PTPRT: variants seen among roughly 807,000 people sequenced by gnomAD.
The protein encoded by PTPRT is protein tyrosine phosphatase receptor type T.
Under a neutral mutation model 176.8 loss-of-function variants are expected in PTPRT, and 56 were observed. The observed-to-expected ratio is 0.32, with a 90% CI of 0.26 to 0.40. The LOEUF is 0.40. Ranked by LOEUF, PTPRT falls within the 10% of genes least tolerant of loss-of-function variation. The pLI is 1.00. For synonymous variants in PTPRT, 783 were observed against 739.0 expected (o/e 1.06, Z -0.96); for missense variants, 1,540 against 1,908.2 (o/e 0.81, Z 3.60).
At chr20:42,648,820 G>GTTTTTTTTTTTTTTTTTTTTTTTTT (rs68036487) in intron 7 of PTPRT, among the ~76,000 whole-genome samples, 1 of 111,834 alleles carries the variant, frequency 8.9e-6, no homozygotes, top group African/African-American at 3.7e-5. Context: ...TGGTGTCGTT[G>GTTTTTTTTTTTTTTTTTTTTTTTTT]TTTTTTTTTT....
intron 6 of PTPRT, among the ~76,000 whole-genome samples, chr20:42,691,413 C>T (rs1234161574): frequency 6.6e-6 from 1 of 152,180 alleles, no homozygotes; most frequent in Admixed American, 6.5e-5. Flanking sequence ...TCTCCTTGGC[C>T]TATCCCTATG....
At chr20:43,024,866 AC>A (rs1232730275) in intron 1 of PTPRT, among the ~76,000 whole-genome samples, 6 of 152,160 alleles carry the variant, frequency 3.9e-5, no homozygotes. Flanking sequence ...TGCCCAGCCC[AC>A]CCCTGGGAGA....
intron 7 of PTPRT, among the ~76,000 whole-genome samples, chr20:42,571,927 A>G (rs1468414869): frequency 6.6e-6 from 1 of 152,160 alleles, no homozygotes; most frequent in Non-Finnish European, 1.5e-5. Flanking sequence ...GGAGAATCTC[A>G]TTAACACCTG....
intron 2 of PTPRT, among the ~76,000 whole-genome samples, chr20:42,828,422 C>A (rs1600800700): frequency 6.6e-6 from 1 of 152,102 alleles, no homozygotes; most frequent in South Asian, 2.1e-4. Context: ...AAAAGAAAAA[C>A]CCATTTTCTG....
At chr20:42,435,413 T>C (rs1175459271) in intron 9 of PTPRT, among the ~76,000 whole-genome samples, 1 of 152,058 alleles carries the variant, frequency 6.6e-6, no homozygotes, top group Non-Finnish European at 1.5e-5. Flanking sequence ...ATACCTGTAG[T>C]AGGAGAATGA....
chr20:42,855,282 T>G (rs969667260), intron 2 of PTPRT, among the ~76,000 whole-genome samples: 4 of 152,088 alleles, frequency 2.6e-5, no homozygotes, highest in African/African-American at 9.7e-5. Flanking sequence ...AACCTCCATC[T>G]TCAAAGTTGA....
intron 7 of PTPRT, among the ~76,000 whole-genome samples, chr20:42,498,773 G>T (rs1414439774): frequency 6.6e-6 from 1 of 152,072 alleles, no homozygotes; most frequent in Non-Finnish European, 1.5e-5. Context: ...TTCAGGAAGA[G>T]CTTAATTCTT....
chr20:42,368,815 C>T (rs562578328), intron 9 of PTPRT, among the ~76,000 whole-genome samples: 36 of 152,220 alleles, frequency 2.4e-4, no homozygotes, highest in Admixed American at 5.9e-4. Context: ...AATATAGAAA[C>T]GCTCCCATGG....
chr20:42,240,507 T>C (rs899654701), intron 14 of PTPRT, among the ~76,000 whole-genome samples: 4 of 152,170 alleles, frequency 2.6e-5, no homozygotes, highest in Non-Finnish European at 5.9e-5. Context: ...CTGCAGAACC[T>C]TTTTTCAGCT....
intron 1 of PTPRT, among the ~76,000 whole-genome samples, chr20:42,965,862 T>C (rs1982262512): frequency 6.6e-6 from 1 of 152,218 alleles, no homozygotes. Context: ...CTAAATTTGA[T>C]GCATAAAAAC....
intron 7 of PTPRT, among the ~76,000 whole-genome samples, chr20:42,627,828 T>G (rs1238960336): frequency 1.3e-5 from 2 of 152,150 alleles, no homozygotes; most frequent in Non-Finnish European, 2.9e-5. Flanking sequence ...GACAAAATTT[T>G]ACAGCCAGAT....
intron 6 of PTPRT, among the ~76,000 whole-genome samples, chr20:42,717,158 C>A (rs972366981): frequency 5.4e-5 from 8 of 147,404 alleles, no homozygotes; most frequent in African/African-American, 2.0e-4. Flanking sequence ...GCACGTTGTG[C>A]ACATGTACCC....
chr20:42,393,680 AT>A (rs1221975832), intron 9 of PTPRT, among the ~76,000 whole-genome samples: 1 of 152,212 alleles, frequency 6.6e-6, no homozygotes. Context: ...GCTATTTAAC[AT>A]GTCTAAAACT....
At chr20:42,257,635 C>CG (rs2056665871) in intron 13 of PTPRT, among the ~76,000 whole-genome samples, 1 of 25,682 alleles carries the variant, frequency 3.9e-5, no homozygotes. Context: ...TGTGTAGCAC[C>CG]TCCCCCCACC....
intron 6 of PTPRT, among the ~76,000 whole-genome samples, chr20:42,751,720 T>G (rs1600698281): frequency 6.6e-6 from 1 of 152,278 alleles, no homozygotes; most frequent in Non-Finnish European, 1.5e-5. Flanking sequence ...AGGCCTCAAC[T>G]TCTTTGGCTT....
At chr20:42,895,523 T>A (rs2079280426) in intron 1 of PTPRT, among the ~76,000 whole-genome samples, 1 of 152,120 alleles carries the variant, frequency 6.6e-6, no homozygotes, top group East Asian at 1.9e-4. Context: ...GAGTGGGAAG[T>A]ACTCAGGATG....
intron 1 of PTPRT, among the ~76,000 whole-genome samples, chr20:42,954,609 CT>C (rs138606631): frequency 0.076 from 11,545 of 151,244 alleles, 1,291 homozygotes; most frequent in African/African-American, 0.24. Flanking sequence ...TGCGTGTTTG[CT>C]TTTTTTTTAC....
At chr20:42,212,572 A>G (rs575150046) in intron 15 of PTPRT, among the ~76,000 whole-genome samples, 2 of 152,284 alleles carry the variant, frequency 1.3e-5, no homozygotes, top group East Asian at 3.9e-4. Flanking sequence ...TGGCATCAAA[A>G]TCTGGCTCCA....
At chr20:42,383,419 C>CAAA (rs5841460) in intron 9 of PTPRT, among the ~76,000 whole-genome samples, 3 of 147,882 alleles carry the variant, frequency 2.0e-5, no homozygotes, top group African/African-American at 7.4e-5. Flanking sequence ...CAGGGATAGA[C>CAAA]AAAAAAAAAA....
Sources: gnomAD v4.1 joint callset for allele counts (sites outside exome capture counted in the v4.1 genomes callset) on GRCh38, gnomAD v4.1.1 for gene constraint, MANE v1.5 for transcripts, NCBI Gene and HGNC (gene_info 2026-07-23, HGNC 2026-07-21) for gene names.